Variants in PRKAR1A observed in about 807,000 individuals in gnomAD.
PRKAR1A encodes the protein cAMP-dependent protein kinase type I-alpha regulatory subunit.
PRKAR1A carries 3 observed loss-of-function variants against 52.0 expected under a neutral mutation model. The ratio of observed to expected loss-of-function variants is 0.06; its 90% CI spans 0.03 to 0.15. PRKAR1A has a LOEUF of 0.15. PRKAR1A is among the 10% of genes least tolerant of loss of function. The probability of loss-of-function intolerance (pLI) is 1.00; values close to 1 mark genes in which losing one functional copy is unlikely to be tolerated. For missense variants in PRKAR1A, 240 were observed against 477.4 expected (o/e 0.50, Z 4.63); for synonymous variants, 188 against 168.4 (o/e 1.12, Z -0.90).
chr17:68,418,837 T>C, the PRKAR1A span, among the ~76,000 whole-genome samples: 1 of 152,216 alleles, frequency 6.6e-6, no homozygotes, highest in Non-Finnish European at 1.5e-5. Flanking sequence ...CTGCTTCTCC[T>C]GAGCAACTGA....
chr17:68,526,226 A>T (rs1460408853), intron 7 of PRKAR1A, among the ~76,000 whole-genome samples: 2 of 152,212 alleles, frequency 1.3e-5, no homozygotes, highest in African/African-American at 4.8e-5. Flanking sequence ...TTACCTAGTT[A>T]TACCCATTAC....
chr17:68,542,229 G>C, intron 11 of PRKAR1A: 1 of 1,568,968 alleles, frequency 6.4e-7, no homozygotes. Context: ...CATCTTCCTG[G>C]CCTAGGAAAT....
the PRKAR1A span, among the ~76,000 whole-genome samples, chr17:68,467,209 A>G: frequency 6.6e-6 from 1 of 152,214 alleles, no homozygotes. Flanking sequence ...TGTGAATATC[A>G]TGAACATGTG....
the PRKAR1A span, among the ~76,000 whole-genome samples, chr17:68,448,743 A>G: frequency 7.9e-5 from 12 of 152,228 alleles, no homozygotes; most frequent in Non-Finnish European, 1.3e-4. Context: ...AACCTTGTAT[A>G]CGGATTACTA....
chr17:68,537,632 T>C (rs1446298572), downstream of PRKAR1A: 2 of 1,613,766 alleles, frequency 1.2e-6, no homozygotes, highest in South Asian at 1.1e-5. The surrounding 1 kb of genome is among the most constrained non-coding windows in gnomAD (Gnocchi z 4.2). Context: ...TGGGGTTCAG[T>C]GAGGACAGGG....
chr17:68,485,509 G>GA, the PRKAR1A span, among the ~76,000 whole-genome samples: 2 of 152,078 alleles, frequency 1.3e-5, no homozygotes, highest in African/African-American at 4.8e-5. Context: ...TTTTGCTTTG[G>GA]AAATAGGACC....
chr17:68,504,777 T>C, the PRKAR1A span, among the ~76,000 whole-genome samples: 1 of 152,180 alleles, frequency 6.6e-6, no homozygotes, highest in Non-Finnish European at 1.5e-5. Flanking sequence ...TAGTATTTGA[T>C]AGCACAATAG....
chr17:68,458,180 C>A, the PRKAR1A span, among the ~76,000 whole-genome samples: 1 of 152,196 alleles, frequency 6.6e-6, no homozygotes, highest in South Asian at 2.1e-4. Flanking sequence ...CGGTTGAGAA[C>A]CCTCACTACT....
chr17:68,475,780 A>T, the PRKAR1A span, among the ~76,000 whole-genome samples: 2 of 152,146 alleles, frequency 1.3e-5, no homozygotes, highest in African/African-American at 2.4e-5. Context: ...ATTTTGATAC[A>T]CAGACTTTTC....
At chr17:68,523,057 T>C in intron 3 of PRKAR1A, 131 bp downstream of exon 3, 1 of 1,125,346 alleles carries the variant, frequency 8.9e-7, no homozygotes, top group African/African-American at 1.6e-5. Context: ...AATTCTTGGG[T>C]ACTGGAAAAC....
chr17:68,450,791 T>A, the PRKAR1A span: 2 of 1,614,036 alleles, frequency 1.2e-6, no homozygotes, highest in Non-Finnish European at 1.7e-6. Flanking sequence ...TCTCTGTGCC[T>A]TTCTTGAAGT....
At chr17:68,475,189 C>T in the PRKAR1A span, among the ~76,000 whole-genome samples, 5 of 152,100 alleles carry the variant, frequency 3.3e-5, no homozygotes, top group Non-Finnish European at 7.4e-5. Context: ...ACTTCCTTAA[C>T]CTAATAAAAA....
chr17:68,551,246 T>G (rs2143654063), exon 12 of PRKAR1A: 9 of 765,496 alleles, frequency 1.2e-5, no homozygotes, highest in Non-Finnish European at 1.6e-5. Context: ...CACTCATCTC[T>G]ATGTTTCACA....
the PRKAR1A span, among the ~76,000 whole-genome samples, chr17:68,436,226 G>A: frequency 2.6e-5 from 4 of 152,298 alleles, no homozygotes; most frequent in Non-Finnish European, 4.4e-5. Context: ...CAGCAAGCCC[G>A]AGGGGAAATA....
At chr17:68,524,149 T>G (rs950693555) in intron 5 of PRKAR1A, 72 bp downstream of exon 5, 8 of 1,508,150 alleles carry the variant, frequency 5.3e-6, no homozygotes, top group Non-Finnish European at 6.4e-6. Context: ...TTGGTTTTGT[T>G]TTATTGAAGT....
chr17:68,474,970 C>G, the PRKAR1A span, among the ~76,000 whole-genome samples: 33 of 152,280 alleles, frequency 2.2e-4, no homozygotes, highest in Non-Finnish European at 4.3e-4. Flanking sequence ...AATGTAATGT[C>G]TTTTTAAGTT....
rs190141877 is a variant in PRKAR1A at position 68,514,295 on chromosome 17, A to G, written c.-6-1099A>G. On this transcript the variant is annotated intron_variant, in intron 1 of 10. Transcript: ENST00000589228. ...TAAGTTCTTTTAAATTTACAGTTTC[A>G]TCTCAATAGTTTACAATGCATTATA... Among the ~76,000 whole-genome samples the G allele has an allele frequency of 3.3e-5, 5 of 152,326 alleles. No homozygotes were observed. The East Asian group carries it at 9.6e-4, about 29-fold the overall frequency.
At chr17:68,478,700 T>A in the PRKAR1A span, among the ~76,000 whole-genome samples, 19 of 151,452 alleles carry the variant, frequency 1.3e-4, no homozygotes, top group African/African-American at 4.6e-4. Context: ...TGTTAAACCC[T>A]ATGGTTTTAG....
chr17:68,455,277 C>T, the PRKAR1A span, among the ~76,000 whole-genome samples: 16 of 150,756 alleles, frequency 1.1e-4, no homozygotes, highest in Non-Finnish European at 1.5e-4. Flanking sequence ...ACAGGAGAAT[C>T]GCTTGAACCC....
Sources: allele counts gnomAD v4.1 joint callset (sites outside exome capture counted in the v4.1 genomes callset), GRCh38; gene constraint gnomAD v4.1.1; non-coding constraint Gnocchi (gnomAD v3.1); transcripts MANE v1.5; gene names NCBI Gene and HGNC (gene_info 2026-07-23, HGNC 2026-07-21).